Variants in HHIPL1 observed in about 807,000 individuals in gnomAD.
HHIPL1 encodes the protein HHIP-like protein 1.
Under a neutral mutation model 61.8 loss-of-function variants are expected in HHIPL1, and 43 were observed. The ratio of observed to expected loss-of-function variants is 0.70; its 90% CI spans 0.55 to 0.90. The LOEUF (loss-of-function observed/expected upper bound fraction) is 0.90, where lower values mean the gene tolerates loss of function less well. Ranked by LOEUF, HHIPL1 falls within the 40% of genes least tolerant of loss-of-function variation. HHIPL1 has a pLI of 0.00. For missense variants in HHIPL1, 1,056 were observed against 1,157.7 expected (o/e 0.91, Z 1.28); for synonymous variants, 482 against 515.8 (o/e 0.93, Z 0.89).
At chr14:99,622,906 C>T in the HHIPL1 span, among the ~76,000 whole-genome samples, 2 of 152,350 alleles carry the variant, frequency 1.3e-5, no homozygotes, top group South Asian at 2.1e-4. Context: ...GTGGACTGAA[C>T]GAATGAGCTT....
rs114488677 is a variant in HHIPL1, at chr14:99,647,681, G to A, written c.255+2219G>A. On this transcript the variant is annotated intron_variant, in intron 1 of 8. Transcript: ENST00000330710. The stretch of plus-strand genomic sequence containing the variant: ...GGCCTCCTGGAGCATGCTGGCGGGA[G>A]GACCATGCTCTCTGCTAGCCAAGGC... Among the ~76,000 whole-genome samples, 249 of 152,328 alleles carry A rather than the reference G, an allele frequency of 1.6e-3. 1 individual carries two copies. Among genetic ancestry groups the A allele is most frequent in the African/African-American group, 5.4e-3 (226 of 41,578 alleles).
intron 2 of HHIPL1, among the ~76,000 whole-genome samples, chr14:99,655,638 A>G (rs2056016020): frequency 6.6e-6 from 1 of 152,148 alleles, no homozygotes; most frequent in Non-Finnish European, 1.5e-5. Flanking sequence ...AGAAAGAAAG[A>G]AAAAGAAGGG....
Position 99,664,595 on chromosome 14 carries a change from C to T in HHIPL1, c.1648+1574C>T, listed in dbSNP as rs151099337. On this transcript the variant is annotated intron_variant, in intron 6 of 8. Transcript: ENST00000330710. ...CAGAGCCCGGAGCCCTGGGGTCCAA[C>T]GCAAACAAACCTTCCCCCTGCCCTC... is the stretch of plus-strand genomic sequence containing the variant. Among the ~76,000 whole-genome samples the T allele has an allele frequency of 2.5e-3, 375 of 152,282 alleles. 1 individual carries two copies. The highest frequency in any genetic ancestry group is 8.3e-3 in the African/African-American group (345 of 41,556).
At chr14:99,637,201 G>GA in the HHIPL1 span, among the ~76,000 whole-genome samples, 4 of 87,262 alleles carry the variant, frequency 4.6e-5, no homozygotes, top group Non-Finnish European at 6.8e-5. Context: ...AGAAAGAAAG[G>GA]AAGAAAGAAA....
the HHIPL1 span, among the ~76,000 whole-genome samples, chr14:99,617,259 T>A: frequency 1.3e-5 from 2 of 152,204 alleles, no homozygotes; most frequent in Admixed American, 6.5e-5. Flanking sequence ...TTTCACGGAA[T>A]AACATTTACG....
At chr14:99,669,857 C>T (rs944342301) in intron 7 of HHIPL1, among the ~76,000 whole-genome samples, 9 of 152,136 alleles carry the variant, frequency 5.9e-5, no homozygotes, top group Admixed American at 6.5e-5. Flanking sequence ...CTCAGGAGGT[C>T]GAGGCTGCAG....
the HHIPL1 span, among the ~76,000 whole-genome samples, chr14:99,637,010 AG>A: frequency 1.1e-5 from 1 of 95,100 alleles, no homozygotes; most frequent in Non-Finnish European, 2.2e-5. Context: ...GAAGAAAGAA[AG>A]AAAGAAAGAA....
chr14:99,629,992 G>A, the HHIPL1 span, among the ~76,000 whole-genome samples: 1 of 152,196 alleles, frequency 6.6e-6, no homozygotes, highest in African/African-American at 2.4e-5. Context: ...CAGTGATGGG[G>A]TGCTCATCCC....
Position 99,660,145 on chromosome 14 carries a change from GCAC to G in HHIPL1, c.1376-134_1376-132del. ...TTCCACCACGCCAGCCCTGCTGTGG[GCAC>G]GCCAGCCCTGCTGTGGGCACGCCCC... On this transcript the variant is annotated intron_variant, in intron 4 of 8. Coordinates refer to ENST00000330710, the MANE Select transcript of HHIPL1 (RefSeq NM_001127258.3). This position sits in a 1 kb window ranked among gnomAD's most constrained non-coding sequence, Gnocchi z 4.9. The G allele has an allele frequency of 2.8e-6, 2 of 725,472 alleles. No homozygotes were observed. Among genetic ancestry groups the G allele is most frequent in the South Asian group, 2.5e-5 (1 of 39,844 alleles). 44.9% of individuals were successfully genotyped at this position (725,472 alleles called of 1,614,324 possible). A position where few individuals can be genotyped will look rare whatever the true frequency, so the allele number is the denominator to read the frequency against.
chr14:99,648,807 C>T (rs1019440635), intron 1 of HHIPL1, among the ~76,000 whole-genome samples: 2 of 152,098 alleles, frequency 1.3e-5, no homozygotes, highest in African/African-American at 2.4e-5. Flanking sequence ...AGCAAATATC[C>T]GATGGACAGG....
chr14:99,662,735 T>G (rs10133513), intron 5 of HHIPL1, 141 bp from the exon 6 acceptor site: 158,825 of 748,862 alleles, frequency 0.21, 17,508 homozygotes, highest in East Asian at 0.29. Flanking sequence ...TGAGTGGATA[T>G]GTAGATGGAT....
chr14:99,634,851 GT>G, the HHIPL1 span, among the ~76,000 whole-genome samples: 1 of 152,162 alleles, frequency 6.6e-6, no homozygotes, highest in Non-Finnish European at 1.5e-5. Context: ...TTTTTCATTG[GT>G]TTCTTTTTGT....
chr14:99,642,932 T>C (rs760375432), upstream of HHIPL1, among the ~76,000 whole-genome samples: 62 of 152,222 alleles, frequency 4.1e-4, no homozygotes, highest in Non-Finnish European at 7.5e-4. Flanking sequence ...TGTCAACTTT[T>C]TCCACCAGAG....
chr14:99,628,302 G>A, the HHIPL1 span, among the ~76,000 whole-genome samples: 10 of 152,252 alleles, frequency 6.6e-5, no homozygotes, highest in East Asian at 7.7e-4. Flanking sequence ...ACCAACAGCC[G>A]GGGGCGGTGG....
chr14:99,667,656 G>A (rs2056267047), intron 6 of HHIPL1, among the ~76,000 whole-genome samples: 1 of 152,196 alleles, frequency 6.6e-6, no homozygotes, highest in African/African-American at 2.4e-5. Context: ...GAGACACCCT[G>A]GCCTCGAGGA....
At chr14:99,651,740 A>G (rs553749536) in intron 1 of HHIPL1, among the ~76,000 whole-genome samples, 3 of 152,316 alleles carry the variant, frequency 2.0e-5, no homozygotes, top group African/African-American at 7.2e-5. Flanking sequence ...GGAGCTGTCC[A>G]TGGGCAGAGC....
chr14:99,662,789 G>A (rs1468652524), intron 5 of HHIPL1, 87 bp from the exon 6 acceptor site: 2 of 1,076,830 alleles, frequency 1.9e-6, no homozygotes, highest in African/African-American at 1.6e-5. Context: ...ATGGATACAT[G>A]GATGGATGGA....
the HHIPL1 span, among the ~76,000 whole-genome samples, chr14:99,612,861 C>G: frequency 6.6e-6 from 1 of 152,198 alleles, no homozygotes; most frequent in Admixed American, 6.5e-5. Flanking sequence ...CGTCCCAGGC[C>G]TTGGGTGCTG....
At chr14:99,656,780 AGAAAAG>A (rs201435405) in intron 2 of HHIPL1, among the ~76,000 whole-genome samples, 15,584 of 108,608 alleles carry the variant, frequency 0.14, 3,292 homozygotes, top group South Asian at 0.19. Flanking sequence ...GTCTGCAAAA[AGAAAAG>A]AAAAGAAAGA....
Sources: allele counts gnomAD v4.1 joint callset (sites outside exome capture counted in the v4.1 genomes callset), GRCh38; gene constraint gnomAD v4.1.1; non-coding constraint Gnocchi (gnomAD v3.1); transcripts MANE v1.5; gene names NCBI Gene and HGNC (gene_info 2026-07-23, HGNC 2026-07-21).